The following PAH variants were observed in gnomAD, a reference collection of about 807,000 sequenced individuals.
The protein encoded by PAH is phenylalanine hydroxylase.
Under a neutral mutation model 62.0 loss-of-function variants are expected in PAH, and 64 were observed. That is an observed-to-expected ratio of 1.03 (90% CI 0.84 to 1.27). The LOEUF is 1.27. PAH is among the 50% of genes most tolerant of loss of function. The probability of loss-of-function intolerance (pLI) is 0.00; values close to 1 mark genes in which losing one functional copy is unlikely to be tolerated. For missense variants in PAH, 579 were observed against 542.8 expected (o/e 1.07, Z -0.66); for synonymous variants, 195 against 196.2 (o/e 0.99, Z 0.05).
chr12:102,903,275 C>T (rs1240854254), intron 2 of PAH, among the ~76,000 whole-genome samples: 2 of 151,662 alleles, frequency 1.3e-5, no homozygotes, highest in Admixed American at 1.3e-4. Context: ...GCAAGAGAGT[C>T]TCTTGAACCA....
In PAH at chr12:102,855,181, C is replaced by T. The variant is rs2136649314; in HGVS notation, c.661G>A (p.Glu221Lys). 6.2e-7 allele frequency: 1 copy of T among 1,614,170 alleles called. No homozygotes were observed. The highest frequency in any genetic ancestry group is 8.5e-7 in the Non-Finnish European group (1 of 1,180,000). Reference sequence around the variant, plus strand: ...TCTTCCAGCTGGGGAATGTTATCTTCATGGAAGCCACAGTACTTTTCAAGA... The same window carrying T: ...TCTTCCAGCTGGGGAATGTTATCTTTATGGAAGCCACAGTACTTTTCAAGA... Reference protein sequence around the residue: ...PLLEKYCGFHEDNIPQLEDVS... With the variant: ...PLLEKYCGFHKDNIPQLEDVS... Residue 221 changes from glutamate (E) to lysine (K), a missense_variant, in exon 6 of 13, where the codon GAA (glutamate) becomes AAA (lysine). Coordinates refer to ENST00000553106, the MANE Select transcript of PAH (RefSeq NM_000277.3).
At chr12:102,864,397 T>G (rs1875857239) in intron 5 of PAH, among the ~76,000 whole-genome samples, 1 of 152,112 alleles carries the variant, frequency 6.6e-6, no homozygotes, top group Admixed American at 6.6e-5. Flanking sequence ...GTATCCCCTT[T>G]ATGCAGTTAT....
chr12:102,895,345 A>G (rs1376130688), intron 2 of PAH, among the ~76,000 whole-genome samples: 1 of 152,166 alleles, frequency 6.6e-6, no homozygotes, highest in Non-Finnish European at 1.5e-5. Flanking sequence ...GGTCAGACTT[A>G]TTTGATTTAT....
At chr12:102,913,684 G>C (rs1043777264) in intron 1 of PAH, 4 of 643,252 alleles carry the variant, frequency 6.2e-6, no homozygotes, top group South Asian at 1.8e-5. Flanking sequence ...GCTGAGATCT[G>C]AGACATCCAA....
chr12:102,847,107 G>A (rs987544645), intron 8 of PAH, 156 bp from the exon 9 acceptor site: 3 of 681,724 alleles, frequency 4.4e-6, no homozygotes, highest in South Asian at 3.2e-5. Context: ...CTGCCCATAT[G>A]TTATAGAATC....
intron 2 of PAH, among the ~76,000 whole-genome samples, chr12:102,901,685 T>G (rs559369502): frequency 1.3e-5 from 2 of 152,326 alleles, no homozygotes; most frequent in South Asian, 4.1e-4. Flanking sequence ...GAGAACTTCT[T>G]GGACCACTAT....
intron 3 of PAH, among the ~76,000 whole-genome samples, chr12:102,881,814 T>C (rs1876823189): frequency 1.3e-5 from 2 of 152,212 alleles, no homozygotes; most frequent in Non-Finnish European, 2.9e-5. Flanking sequence ...TGAATAATAT[T>C]CCATTGTGTG....
chr12:102,919,845 T>C (rs1262256291), upstream of PAH, among the ~76,000 whole-genome samples: 1 of 152,182 alleles, frequency 6.6e-6, no homozygotes, highest in Non-Finnish European at 1.5e-5. Context: ...TTAAAACCCA[T>C]GTTGATGGAG....
At chr12:102,939,955 A>G (rs1018857099) in intron 1 of PAH, among the ~76,000 whole-genome samples, 1 of 152,152 alleles carries the variant, frequency 6.6e-6, no homozygotes, top group African/African-American at 2.4e-5. Flanking sequence ...CACTGAGAGG[A>G]TGGAGGCAAG....
In PAH at chr12:102,847,039, G is replaced by C. The variant is rs560655636; in HGVS notation, c.913-88C>G. 2.1e-4 allele frequency: 210 copies of C among 1,020,256 alleles called. No homozygotes were observed. The African/African-American group carries it at 3.0e-3, about 14-fold the overall frequency. 63.2% of individuals were successfully genotyped at this position (1,020,256 alleles called of 1,614,324 possible). On this transcript the variant is annotated intron_variant, in intron 8 of 12. Transcript: ENST00000553106. ...GTACTTGGCCATAAAAAGGTGATGG[G>C]TGGCCAGATGCCTTCAGAACAGCCC...
chr12:102,841,499 A>G (rs1340387352), intron 11 of PAH, among the ~76,000 whole-genome samples: 1 of 151,492 alleles, frequency 6.6e-6, no homozygotes, highest in Non-Finnish European at 1.5e-5. Context: ...ACAGGGGACC[A>G]CTCTTCTGTA....
At chr12:102,938,972 G>T (rs952454884) in intron 1 of PAH, among the ~76,000 whole-genome samples, 1 of 150,802 alleles carries the variant, frequency 6.6e-6, no homozygotes, top group Non-Finnish European at 1.5e-5. Context: ...CCATTGCCAC[G>T]GCAGCATATC....
intron 1 of PAH, chr12:102,950,471 G>A (rs1879703017): frequency 6.6e-6 from 1 of 152,338 alleles, no homozygotes; most frequent in Non-Finnish European, 1.5e-5. Context: ...CCACGAAGCT[G>A]ATTTATAGGC....
intron 3 of PAH, among the ~76,000 whole-genome samples, chr12:102,885,697 A>G (rs867173032): frequency 6.6e-6 from 1 of 152,174 alleles, no homozygotes; most frequent in South Asian, 2.1e-4. Flanking sequence ...AGGCCTGGCC[A>G]GAGCCTGCTT....
At chr12:102,860,063 T>G (rs1312749620) in intron 5 of PAH, among the ~76,000 whole-genome samples, 1 of 152,208 alleles carries the variant, frequency 6.6e-6, no homozygotes, top group East Asian at 1.9e-4. Context: ...ATGACATGAT[T>G]GTATATTTAG....
rs193197604 is a variant in PAH, at chr12:102,915,261, G to T, written c.60+1810C>A. The T allele has an allele frequency of 1.8e-3, 270 of 152,228 alleles. 2 individuals carry two copies. The highest frequency in any genetic ancestry group is 3.1e-3 in the Non-Finnish European group (211 of 68,016). 9.4% of individuals were successfully genotyped at this position (152,228 alleles called of 1,614,324 possible). On this transcript the variant is annotated intron_variant, in intron 1 of 12. Coordinates refer to ENST00000553106, the MANE Select transcript of PAH (RefSeq NM_000277.3). ...CTTCTTTATCTATGCTTTCCACTTG[G>T]CATTTGATGCCCACATGGTATTTCA...
chr12:102,936,474 G>A (rs551021006), intron 1 of PAH, among the ~76,000 whole-genome samples: 1 of 152,278 alleles, frequency 6.6e-6, no homozygotes, highest in South Asian at 2.1e-4. Flanking sequence ...TGCTGAAAGT[G>A]AGGTGTTGAT....
upstream of PAH, among the ~76,000 whole-genome samples, chr12:102,955,587 T>C (rs1471293791): frequency 6.6e-6 from 1 of 152,150 alleles, no homozygotes; most frequent in East Asian, 1.9e-4. Flanking sequence ...GAATGGGGCA[T>C]TAGGACACAG....
intron 2 of PAH, among the ~76,000 whole-genome samples, chr12:102,900,159 C>A (rs1877694403): frequency 6.7e-6 from 1 of 149,996 alleles, no homozygotes; most frequent in Non-Finnish European, 1.5e-5. Flanking sequence ...ATGCCATTCT[C>A]CTGCCTCAGC....
Sources: gnomAD v4.1 joint callset for allele counts (sites outside exome capture counted in the v4.1 genomes callset) on GRCh38, gnomAD v4.1.1 for gene constraint, MANE v1.5 for transcripts, NCBI Gene and HGNC (gene_info 2026-07-23, HGNC 2026-07-21) for gene names.